FBXO36: variants seen among roughly 807,000 people sequenced by gnomAD.
FBXO36 encodes F-box only protein 36.
FBXO36 carries 18 observed loss-of-function variants against 17.0 expected under a neutral mutation model. That is an observed-to-expected ratio of 1.06 (90% CI 0.73 to 1.57). The LOEUF (loss-of-function observed/expected upper bound fraction) is 1.57. Ranked by LOEUF, FBXO36 falls within the 40% of genes most tolerant of loss-of-function variation. The probability of loss-of-function intolerance (pLI) is 0.00; values close to 1 mark genes in which losing one functional copy is unlikely to be tolerated. For synonymous variants in FBXO36, 83 were observed against 85.3 expected (o/e 0.97, Z 0.15); for missense variants, 229 against 221.9 (o/e 1.03, Z -0.20).
intron 1 of FBXO36, among the ~76,000 whole-genome samples, chr2:229,961,089 T>A (rs890849061): frequency 6.6e-6 from 1 of 151,674 alleles, no homozygotes; most frequent in Non-Finnish European, 1.5e-5. Flanking sequence ...AGCCTGGGCC[T>A]CAGAGCGAGA....
chr2:229,963,445 T>C (rs1473080338), intron 1 of FBXO36, among the ~76,000 whole-genome samples: 7 of 118,654 alleles, frequency 5.9e-5, no homozygotes, highest in Non-Finnish European at 1.2e-4. Context: ...TTCTTTTTTC[T>C]TTTTTTTTTT....
intron 1 of FBXO36, among the ~76,000 whole-genome samples, chr2:229,954,151 A>C (rs1235644785): frequency 1.3e-5 from 2 of 151,432 alleles, no homozygotes; most frequent in African/African-American, 4.9e-5. Flanking sequence ...GGTGTGAGCT[A>C]CCACACTCAA....
intron 3 of FBXO36, among the ~76,000 whole-genome samples, chr2:229,998,410 G>A (rs972562412): frequency 6.6e-5 from 10 of 152,240 alleles, no homozygotes; most frequent in African/African-American, 2.2e-4. Flanking sequence ...ATCACCTGAG[G>A]TTGGGAGTTT....
chr2:230,001,942 T>C (rs928493568), intron 3 of FBXO36, among the ~76,000 whole-genome samples: 1 of 152,182 alleles, frequency 6.6e-6, no homozygotes, highest in Non-Finnish European at 1.5e-5. Flanking sequence ...GTCAGCCTCC[T>C]GAGTAGCTGG....
intron 2 of FBXO36, among the ~76,000 whole-genome samples, chr2:229,978,807 A>G (rs1260814759): frequency 1.3e-5 from 2 of 152,166 alleles, no homozygotes; most frequent in Non-Finnish European, 2.9e-5. Context: ...TTGAAACTCA[A>G]AAAAATCAAG....
intron 2 of FBXO36, among the ~76,000 whole-genome samples, chr2:229,991,354 A>C (rs2077296966): frequency 6.6e-6 from 1 of 152,128 alleles, no homozygotes. Flanking sequence ...CCTGACTCCC[A>C]GTGTACTATA....
At chr2:229,976,488 T>A in intron 2 of FBXO36, 139 bp downstream of exon 2, 1 of 622,892 alleles carries the variant, frequency 1.6e-6, no homozygotes, top group Non-Finnish European at 2.8e-6. Context: ...GTTAGATTCT[T>A]AAAAACTAGA....
rs187205263 is a variant in FBXO36, at chr2:229,996,928, C to T, written c.378+5C>T. Reference sequence around the variant, plus strand: ...ACATCACACAGATTTGCAAAGGTAACGGTCAATTATTTTATGTCTATATAG... The same window carrying T: ...ACATCACACAGATTTGCAAAGGTAATGGTCAATTATTTTATGTCTATATAG... On this transcript the variant is annotated splice_donor_5th_base_variant and intron_variant, in intron 3 of 3. Coordinates refer to ENST00000283946, the MANE Select transcript of FBXO36 (RefSeq NM_174899.5). 4.2e-5 allele frequency: 68 copies of T among 1,604,376 alleles called. No individual in the cohort carries two copies. The highest frequency in any genetic ancestry group is 2.6e-4 in the African/African-American group (19 of 74,364).
chr2:229,996,825 CT>C lies in FBXO36; in HGVS notation c.282del (p.Glu95AsnfsTer9), dbSNP rs1261026970. The part of the protein sequence containing the change: ...INLCKGKFDF[L>X]ERLSDDLLLT... ...TTTGTGCAAAGGTAAATTTGACTTC[CT>C]TGAACGGCTCTCAGACGATTTGCTC... On this transcript the variant is annotated frameshift_variant, in exon 3 of 4. Transcript: ENST00000283946. LOFTEE classifies it high-confidence loss of function. The C allele has an allele frequency of 1.9e-6, 3 of 1,613,954 alleles. No individual in the cohort carries two copies. In the South Asian group the frequency reaches 3.3e-5, roughly 18 times the overall value.
chr2:229,985,052 T>C (rs1315108774), intron 2 of FBXO36, among the ~76,000 whole-genome samples: 2 of 152,212 alleles, frequency 1.3e-5, no homozygotes, highest in Admixed American at 6.5e-5. Context: ...AGGATGGTCT[T>C]TCTGTGAACT....
chr2:229,990,298 G>A (rs2077292131), intron 2 of FBXO36, among the ~76,000 whole-genome samples: 1 of 150,146 alleles, frequency 6.7e-6, no homozygotes, highest in Non-Finnish European at 1.5e-5. Flanking sequence ...TATTAGAGCA[G>A]TACCTGGCAA....
At chr2:229,942,116 A>G (rs1337363532) in intron 1 of FBXO36, among the ~76,000 whole-genome samples, 1 of 152,184 alleles carries the variant, frequency 6.6e-6, no homozygotes, top group Non-Finnish European at 1.5e-5. Flanking sequence ...CTAAGTATTA[A>G]CTAAGGACTT....
intron 3 of FBXO36, among the ~76,000 whole-genome samples, chr2:229,997,175 G>A (rs1046264245): frequency 6.6e-6 from 1 of 151,948 alleles, no homozygotes; most frequent in African/African-American, 2.4e-5. Context: ...GGTACAAAGA[G>A]AGTGCAAAGT....
intron 2 of FBXO36, among the ~76,000 whole-genome samples, chr2:229,988,653 G>C (rs993520231): frequency 6.6e-6 from 1 of 152,020 alleles, no homozygotes; most frequent in Non-Finnish European, 1.5e-5. Flanking sequence ...TCCTGCCTCA[G>C]CCTCCTGAGT....
At chr2:230,006,500 A>G (rs2077387567) in intron 3 of FBXO36, among the ~76,000 whole-genome samples, 1 of 152,176 alleles carries the variant, frequency 6.6e-6, no homozygotes, top group South Asian at 2.1e-4. Context: ...ACCGAGTGAT[A>G]TATGGATACA....
At chr2:229,979,219 C>G (rs958006094) in intron 2 of FBXO36, among the ~76,000 whole-genome samples, 1 of 151,022 alleles carries the variant, frequency 6.6e-6, no homozygotes, top group Non-Finnish European at 1.5e-5. Context: ...TGCAATAGGC[C>G]AGGTGTGGTG....
intron 1 of FBXO36, among the ~76,000 whole-genome samples, chr2:229,974,208 A>C (rs1248787770): frequency 1.3e-5 from 2 of 152,204 alleles, no homozygotes; most frequent in Admixed American, 1.3e-4. Flanking sequence ...TGAAGGTTAT[A>C]CATAAAAAAA....
intron 1 of FBXO36, among the ~76,000 whole-genome samples, chr2:229,933,379 C>CA (rs2076948913): frequency 6.7e-6 from 1 of 150,330 alleles, no homozygotes; most frequent in South Asian, 2.1e-4. Flanking sequence ...AACAAAAGAG[C>CA]AAAAAAAGAG....
Position 230,010,840 on chromosome 2 carries a change from A to G in FBXO36, c.523A>G (p.Lys175Glu). 6.2e-7 allele frequency: 1 copy of G among 1,613,582 alleles called. No homozygotes were observed. The highest frequency in any genetic ancestry group is 1.7e-4 in the Middle Eastern group (1 of 6,056). Residue 175 changes from lysine (K) to glutamate (E), a missense_variant, in exon 4 of 4, where the codon AAG (lysine) becomes GAG (glutamate). Coordinates refer to ENST00000283946, the MANE Select transcript of FBXO36 (RefSeq NM_174899.5). Reference protein sequence around the residue: ...NKLQLQRQLRKRKQKYGNLRE... With the variant: ...NKLQLQRQLRERKQKYGNLRE... ...GCTCCAGCTCCAGCGGCAGCTCCGC[A>G]AGAGGAAACAAAAATATGGAAACCT...
Sources: gnomAD v4.1 joint callset for allele counts (sites outside exome capture counted in the v4.1 genomes callset) on GRCh38, gnomAD v4.1.1 for gene constraint, MANE v1.5 for transcripts, NCBI Gene and HGNC (gene_info 2026-07-23, HGNC 2026-07-21) for gene names.